Variants in ECEL1 observed in about 807,000 individuals in gnomAD.
ECEL1 encodes the protein endothelin converting enzyme like 1.
A neutral mutation model predicts 101.8 loss-of-function variants in ECEL1; 87 were observed. The observed-to-expected ratio is 0.85, with a 90% CI of 0.72 to 1.02. The LOEUF (loss-of-function observed/expected upper bound fraction) is 1.02. Ranked by LOEUF, ECEL1 falls within the 50% of genes least tolerant of loss-of-function variation. The pLI, the probability that ECEL1 is intolerant of heterozygous loss-of-function variation, is 0.00. For synonymous variants in ECEL1, 487 were observed against 468.7 expected (o/e 1.04, Z -0.50); for missense variants, 1,032 against 1,079.2 (o/e 0.96, Z 0.61).
chr2:232,485,861 C>T lies in ECEL1; in HGVS notation c.786+7G>A. On this transcript the variant is annotated splice_region_variant and intron_variant, in intron 2 of 17. Transcript: ENST00000304546. Reference sequence around the variant, plus strand: ...CCGCTGGCAGGGCGCTCAGGGGGCGCACTCACGCGGATGACGTAGCGCGAG... The same window carrying T: ...CCGCTGGCAGGGCGCTCAGGGGGCGTACTCACGCGGATGACGTAGCGCGAG... 6.5e-7 allele frequency: 1 copy of T among 1,547,514 alleles called. No individual in the cohort carries two copies. The highest frequency in any genetic ancestry group is 1.4e-5 in the African/African-American group (1 of 73,508).
Position 232,484,015 on chromosome 2 carries a change from C to A in ECEL1, c.1393G>T (p.Ala465Ser). The change falls in exon 7 of 18, where the codon GCC becomes TCC. Residue 465 changes from alanine (A) to serine (S), a missense_variant. Transcript: ENST00000304546. Reference protein sequence around the residue: ...ALFVHEHFSAASKAKVQQLVE... With the variant: ...ALFVHEHFSASSKAKVQQLVE... ...GGGCAACCCACCTTGGCTTTGCTGG[C>A]AGCTGAGAAGTGCTCATGTACAAAG... is the stretch of plus-strand genomic sequence containing the variant. 1.2e-6 allele frequency: 2 copies of A among 1,603,512 alleles called. No individual in the cohort carries two copies. Among genetic ancestry groups the A allele is most frequent in the Non-Finnish European group, 8.5e-7 (1 of 1,172,030 alleles).
chr2:232,487,156 G>A (rs1213210194), intron 1 of ECEL1, among the ~76,000 whole-genome samples: 2 of 152,204 alleles, frequency 1.3e-5, no homozygotes, highest in Non-Finnish European at 2.9e-5. Flanking sequence ...TCAGGGGCGC[G>A]TCTATGCGAC....
intron 12 of ECEL1, 130 bp downstream of exon 12, chr2:232,482,288 C>T: frequency 1.6e-6 from 2 of 1,221,126 alleles, no homozygotes; most frequent in East Asian, 2.3e-5. Context: ...GGGTCCACAG[C>T]TGTCCTGACT....
At chr2:232,483,973 C>T (rs769273481) in intron 7 of ECEL1, 28 bp downstream of exon 7, 3 of 1,582,278 alleles carry the variant, frequency 1.9e-6, no homozygotes, top group South Asian at 1.2e-5. Flanking sequence ...TCAGCACCAT[C>T]CTCCTCTCTC....
intron 6 of ECEL1, 74 bp downstream of exon 6, chr2:232,484,398 C>T: frequency 2.5e-6 from 4 of 1,592,626 alleles, no homozygotes; most frequent in South Asian, 2.3e-5. Flanking sequence ...AAAGCCCACC[C>T]AGCAGAGAGG....
At chr2:232,484,935 T>A in intron 4 of ECEL1, 42 bp from the exon 5 acceptor site, 1 of 1,612,976 alleles carries the variant, frequency 6.2e-7, no homozygotes, top group Non-Finnish European at 8.5e-7. Context: ...TGCTCCATGA[T>A]GCCCTCCCTC....
Position 232,483,068 on chromosome 2 carries a change from G to A in ECEL1, c.1581+37C>T, listed in dbSNP as rs113658806. On this transcript the variant is annotated intron_variant, in intron 9 of 17. Transcript: ENST00000304546. ...CCTCCTGAGTGCCGTTAGTAGAGGG[G>A]CTGTGGACAGGCTGGGCAGGCAGGG... The A allele has an allele frequency of 5.0e-6, 8 of 1,611,790 alleles. No individual in the cohort carries two copies. In the African/African-American group the frequency reaches 5.3e-5, roughly 11 times the overall value.
intron 1 of ECEL1, among the ~76,000 whole-genome samples, chr2:232,487,412 CA>C (rs1559278318): frequency 6.6e-6 from 1 of 152,114 alleles, no homozygotes; most frequent in Admixed American, 6.5e-5. Flanking sequence ...TCCCTCCCCC[CA>C]CTCCCACCAT....
intron 6 of ECEL1, 79 bp from the exon 7 acceptor site, chr2:232,484,302 C>T (rs1011048068): frequency 1.7e-5 from 27 of 1,567,810 alleles, no homozygotes; most frequent in South Asian, 7.1e-5. Context: ...TACCTGTGCC[C>T]GCCAACCTGT....
chr2:232,481,057 T>A, intron 15 of ECEL1, 34 bp downstream of exon 15: 1 of 1,550,644 alleles, frequency 6.4e-7, no homozygotes, highest in South Asian at 1.2e-5. Context: ...CCGTCCCTCC[T>A]GCAGCAGGGG....
At chr2:232,481,994 G>T (rs1339321555) in intron 12 of ECEL1, 145 bp from the exon 13 acceptor site, 1 of 1,006,390 alleles carries the variant, frequency 9.9e-7, no homozygotes, top group Non-Finnish European at 1.5e-6. Flanking sequence ...AGGGGCACAT[G>T]TGCCTCAGCT....
chr2:232,481,904 T>A, intron 12 of ECEL1, 55 bp from the exon 13 acceptor site: 1 of 1,607,906 alleles, frequency 6.2e-7, no homozygotes, highest in Non-Finnish European at 8.5e-7. Context: ...GAGAGCCCCA[T>A]GCTGCTGCCC....
rs778664640 is a variant in ECEL1, at chr2:232,484,813, C to G, written c.1047G>C (p.Lys349Asn). 6 of 1,613,978 alleles carry G rather than the reference C, an allele frequency of 3.7e-6. No homozygotes were observed. Among genetic ancestry groups the G allele is most frequent in the Non-Finnish European group, 5.1e-6 (6 of 1,180,014 alleles). The change falls in exon 5 of 18, where the codon AAG (lysine) becomes AAC (asparagine). Residue 349 changes from lysine to asparagine, a missense_variant. By Grantham distance (94) the Lys-to-Asn change is moderately conservative. Transcript: ENST00000304546. ...YNKVTLGQLQ[K>N]ITPHLRWKWL... is the part of the protein sequence containing the mutation. Reference sequence around the variant, plus strand: ...GGGCCACACTCACGTGGGGGGTGATCTTCTGCAGCTGCCCCAGCGTCACCT... The same window carrying G: ...GGGCCACACTCACGTGGGGGGTGATGTTCTGCAGCTGCCCCAGCGTCACCT...
Position 232,484,805 on chromosome 2 carries a change from G to C in ECEL1, c.1055C>G (p.Pro352Arg). The C allele has an allele frequency of 6.2e-7, 1 of 1,613,892 alleles. No individual in the cohort carries two copies. Among genetic ancestry groups the C allele is most frequent in the South Asian group, 1.1e-5 (1 of 91,078 alleles). The change falls in exon 5 of 18, where the codon CCC (proline) becomes CGC (arginine). Residue 352 changes from proline to arginine, a missense_variant. Physicochemically the swap from Pro to Arg is moderately radical, Grantham distance 103. Transcript: ENST00000304546. ...CGAGGACTGGGCCACACTCACGTGGGGGGTGATCTTCTGCAGCTGCCCCAG... is the reference window on the plus strand; with the variant it reads ...CGAGGACTGGGCCACACTCACGTGGCGGGTGATCTTCTGCAGCTGCCCCAG... ...VTLGQLQKIT[P>R]HLRWKWLLDQ... is the part of the protein sequence containing the mutation.
At position 232,486,484 on chromosome 2, in the gene ECEL1, C is replaced by G. The variant is rs1431960962; in HGVS notation, c.170G>C (p.Arg57Pro). 1 of 1,419,928 alleles carries G rather than the reference C, an allele frequency of 7.0e-7. No homozygotes were observed. The highest frequency in any genetic ancestry group is 9.1e-7 in the Non-Finnish European group (1 of 1,097,294). The allele number at this position is 1,419,928 out of a possible 1,614,324, so 88.0% of individuals were successfully genotyped here. A position where few individuals can be genotyped will look rare whatever the true frequency, so the allele number is the denominator to read the frequency against. The change falls in exon 2 of 18, where the codon CGG becomes CCG. Residue 57 changes from arginine to proline, a missense_variant. Transcript: ENST00000304546. ...GARSGLPRWN[R>P]REVCLLSGLV... ...CCCCGACAGCAGGCACACCTCGCGC[C>G]GGTTCCAGCGCGGCAGCCCGGACCG...
chr2:232,481,035 C>G, intron 15 of ECEL1, 56 bp downstream of exon 15: 1 of 1,544,074 alleles, frequency 6.5e-7, no homozygotes, highest in South Asian at 1.2e-5. Flanking sequence ...CATCTGGAGT[C>G]CTCATCAGCC....
In ECEL1 at chr2:232,485,954, T is replaced by TG. The variant is rs1285228781; in HGVS notation, c.699dup (p.Lys234GlnfsTer31). On this transcript the variant is annotated frameshift_variant, in exon 2 of 18. Transcript: ENST00000304546. LOFTEE classifies it high-confidence loss of function. The stretch of plus-strand genomic sequence containing the variant: ...GCGGCGCTGTACACGCCCTGCGCCT[T>TG]GTACAGCAGCCGGTTGAGGTCCCAT... 6.3e-7 allele frequency: 1 copy of TG among 1,592,102 alleles called. No homozygotes were observed. The highest frequency in any genetic ancestry group is 8.5e-7 in the Non-Finnish European group (1 of 1,171,500).
chr2:232,485,774 C>G, intron 2 of ECEL1, 94 bp downstream of exon 2: 3 of 1,469,226 alleles, frequency 2.0e-6, no homozygotes, highest in Non-Finnish European at 2.7e-6. Flanking sequence ...CCTCTCCTCT[C>G]ACGCACCCGC....
chr2:232,480,344 T>C, intron 17 of ECEL1, 55 bp downstream of exon 17: 1 of 1,612,026 alleles, frequency 6.2e-7, no homozygotes, highest in East Asian at 2.2e-5. Context: ...CCATGCCCCC[T>C]GATCCCACCC....
Sources: gnomAD v4.1 joint callset for allele counts (sites outside exome capture counted in the v4.1 genomes callset) on GRCh38, gnomAD v4.1.1 for gene constraint, MANE v1.5 for transcripts, NCBI Gene and HGNC (gene_info 2026-07-23, HGNC 2026-07-21) for gene names.